MAF: variants seen among roughly 807,000 people sequenced by gnomAD.
The protein encoded by MAF is MAF bZIP transcription factor, also known as transcription factor Maf.
A neutral mutation model predicts 22.0 loss-of-function variants in MAF; 10 were observed. The observed-to-expected ratio is 0.45, with a 90% confidence interval of 0.28 to 0.77. The LOEUF (loss-of-function observed/expected upper bound fraction) is 0.77. Ranked by LOEUF, MAF falls within the 30% of genes least tolerant of loss-of-function variation. The pLI is 0.12. For synonymous variants in MAF, 337 were observed against 255.8 expected, an observed-to-expected ratio of 1.32 and a Z score of -3.03; for missense variants, 544 against 548.4, an observed-to-expected ratio of 0.99 and a Z score of 0.08.
chr16:79,220,723 A>G, the MAF span, among the ~76,000 whole-genome samples: 6 of 152,194 alleles, frequency 3.9e-5, 1 homozygote, highest in African/African-American at 7.2e-5. Context: ...AAACAACATG[A>G]AAATATTTAA....
the MAF span, among the ~76,000 whole-genome samples, chr16:79,393,169 T>C: frequency 6.6e-6 from 1 of 152,240 alleles, no homozygotes; most frequent in Admixed American, 6.5e-5. Context: ...GATTCCGTTA[T>C]TTCTCATTAT....
chr16:79,542,496 C>A, the MAF span, among the ~76,000 whole-genome samples: 106 of 152,266 alleles, frequency 7.0e-4, no homozygotes, highest in East Asian at 0.019. Flanking sequence ...TCACACTACC[C>A]CCAGCCACCC....
At chr16:79,595,191 G>C in intron 1 of MAF, 1 of 1,042,350 alleles carries the variant, frequency 9.6e-7, no homozygotes, top group South Asian at 4.6e-5. Flanking sequence ...CATGAGGGGA[G>C]GTTTACTATT....
chr16:79,540,552 C>G, the MAF span, among the ~76,000 whole-genome samples: 4 of 152,288 alleles, frequency 2.6e-5, no homozygotes, highest in East Asian at 5.8e-4. Context: ...AGCACCCCAC[C>G]CTGCTCATGG....
the MAF span, among the ~76,000 whole-genome samples, chr16:79,576,094 A>G: frequency 6.6e-6 from 1 of 152,132 alleles, no homozygotes; most frequent in African/African-American, 2.4e-5. Context: ...AGGTTTTCTT[A>G]TCTTCTGAGT....
the MAF span, among the ~76,000 whole-genome samples, chr16:79,353,351 A>T: frequency 6.6e-6 from 1 of 152,112 alleles, no homozygotes; most frequent in Non-Finnish European, 1.5e-5. Context: ...CTAGTCTTGA[A>T]CTGCGAAGCT....
At chr16:79,477,173 G>A in the MAF span, among the ~76,000 whole-genome samples, 2 of 152,210 alleles carry the variant, frequency 1.3e-5, no homozygotes, top group African/African-American at 2.4e-5. Flanking sequence ...GGCAATGGCT[G>A]AAGCTGTCAA....
the MAF span, among the ~76,000 whole-genome samples, chr16:79,392,102 G>A: frequency 6.7e-6 from 1 of 148,376 alleles, no homozygotes; most frequent in African/African-American, 2.5e-5. Context: ...AGAGAAAGAA[G>A]GAAAGAGAGA....
At chr16:79,477,081 A>T in the MAF span, among the ~76,000 whole-genome samples, 1 of 152,176 alleles carries the variant, frequency 6.6e-6, no homozygotes, top group Non-Finnish European at 1.5e-5. Context: ...ACTCCAGGGC[A>T]AGAGGGGAAC....
chr16:79,482,901 C>T, the MAF span, among the ~76,000 whole-genome samples: 33,129 of 92,232 alleles, frequency 0.36, 7,297 homozygotes, highest in Non-Finnish European at 0.46. Flanking sequence ...TCCTTCCCTC[C>T]CTACCTCCTT....
the MAF span, among the ~76,000 whole-genome samples, chr16:79,461,839 T>G: frequency 1.8e-3 from 269 of 152,278 alleles, 2 homozygotes; most frequent in South Asian, 7.7e-3. Flanking sequence ...CACTTCCTTT[T>G]CTTCATGAAC....
the MAF span, among the ~76,000 whole-genome samples, chr16:79,267,383 C>A: frequency 6.6e-6 from 1 of 152,098 alleles, no homozygotes; most frequent in Non-Finnish European, 1.5e-5. Flanking sequence ...AGGAGATACA[C>A]GAAAAGTGTG....
the MAF span, among the ~76,000 whole-genome samples, chr16:79,349,461 G>A: frequency 6.6e-6 from 1 of 152,190 alleles, no homozygotes; most frequent in Non-Finnish European, 1.5e-5. Flanking sequence ...CATCCTATCA[G>A]GAAAATGCAA....
At chr16:79,533,845 T>C in the MAF span, among the ~76,000 whole-genome samples, 3 of 152,180 alleles carry the variant, frequency 2.0e-5, no homozygotes, top group Non-Finnish European at 4.4e-5. Flanking sequence ...GAAAATAACA[T>C]TCTCCCTCCT....
chr16:79,325,019 G>C, the MAF span, among the ~76,000 whole-genome samples: 1 of 151,964 alleles, frequency 6.6e-6, no homozygotes, highest in African/African-American at 2.4e-5. Flanking sequence ...ATTCTCCCCT[G>C]TTCCTTCTTC....
chr16:79,247,561 G>T, the MAF span, among the ~76,000 whole-genome samples: 1 of 152,130 alleles, frequency 6.6e-6, no homozygotes. Flanking sequence ...TGCCAAAACA[G>T]CCCAAAACAC....
At chr16:79,271,359 G>A in the MAF span, among the ~76,000 whole-genome samples, 2 of 152,124 alleles carry the variant, frequency 1.3e-5, no homozygotes, top group South Asian at 2.1e-4. Flanking sequence ...CCCAATGTAT[G>A]TAAATACCCT....
the MAF span, among the ~76,000 whole-genome samples, chr16:79,260,545 A>G: frequency 6.7e-6 from 1 of 150,300 alleles, no homozygotes; most frequent in Non-Finnish European, 1.5e-5. Flanking sequence ...AAACACTATG[A>G]GAGCAGGGAT....
chr16:79,336,904 G>C, the MAF span, among the ~76,000 whole-genome samples: 2 of 152,172 alleles, frequency 1.3e-5, no homozygotes, highest in South Asian at 4.1e-4. Context: ...TATTTATTGA[G>C]TGCCTGGGGT....
Sources: allele counts gnomAD v4.1 joint callset (sites outside exome capture counted in the v4.1 genomes callset), GRCh38; gene constraint gnomAD v4.1.1; transcripts MANE v1.5; gene names NCBI Gene and HGNC (gene_info 2026-07-23, HGNC 2026-07-21).